ADGRF3: variants seen among roughly 807,000 people sequenced by gnomAD.
ADGRF3 encodes G protein-coupled receptor 113.
ADGRF3 carries 85 observed loss-of-function variants against 93.2 expected under a neutral mutation model. The ratio of observed to expected loss-of-function variants is 0.91; its 90% confidence interval spans 0.77 to 1.09. The LOEUF is 1.09. Among genes scored for constraint, ADGRF3 ranks in the 50% least tolerant of loss-of-function variants. The pLI is 0.00. For synonymous variants in ADGRF3, 534 were observed against 532.5 expected (o/e 1.00, Z -0.04); for missense variants, 1,125 against 1,246.2 (o/e 0.90, Z 1.46).
At chr2:26,345,977 T>C in intron 1 of ADGRF3, 144 bp downstream of exon 1, 2 of 748,594 alleles carry the variant, frequency 2.7e-6, no homozygotes, top group South Asian at 3.6e-5. Context: ...ACAACAGCAG[T>C]GTCGGGGGAC....
intron 1 of ADGRF3, among the ~76,000 whole-genome samples, chr2:26,328,652 C>T (rs1406641016): frequency 1.3e-5 from 2 of 152,138 alleles, no homozygotes; most frequent in African/African-American, 4.8e-5. Context: ...CGGGGTTTCA[C>T]CCTGTTAGCC....
At position 26,346,124 on chromosome 2, in the gene ADGRF3, C is replaced by A; in HGVS notation, c.111G>T (p.Glu37Asp). 6.3e-7 allele frequency: 1 copy of A among 1,588,160 alleles called. No individual in the cohort carries two copies. Reference protein sequence around the residue: ...WARMAKTGLPEKGQSQAGGES... With the variant: ...WARMAKTGLPDKGQSQAGGES... Reference sequence around the variant, plus strand: ...GGGCGGAGCGCGGCTCTCCTACCTTCTCGGGCAGCCCAGTCTTTGCCATCC... The same window carrying A: ...GGGCGGAGCGCGGCTCTCCTACCTTATCGGGCAGCCCAGTCTTTGCCATCC... The change falls in exon 1 of 14, where the codon GAG becomes GAT. Residue 37 changes from glutamate (E) to aspartate (D), a missense_variant. By Grantham distance (45) the Glu-to-Asp change is conservative (BLOSUM62 2). Coordinates refer to ENST00000651242, the MANE Select transcript of ADGRF3 (RefSeq NM_001321971.2).
In ADGRF3 at chr2:26,308,497, C is replaced by T. The variant is rs1673741787; in HGVS notation, c.*589G>A. The T allele has an allele frequency of 6.6e-6, 1 of 152,006 alleles. No individual in the cohort carries two copies. The highest frequency in any genetic ancestry group is 2.1e-4 in the South Asian group (1 of 4,806). The allele number at this position is 152,006 out of a possible 1,614,324, so 9.4% of individuals were successfully genotyped here. On this transcript the variant is annotated 3_prime_UTR_variant, in exon 14 of 14. Transcript: ENST00000651242. ...TACAACGTGCTCATATCAATCAATG[C>T]CTCTATACATGGATATGGTTAAGAA...
rs776513626 is a variant in ADGRF3 at position 26,313,110 on chromosome 2, C to T, written c.1282G>A (p.Gly428Ser). Residue 428 changes from glycine to serine, a missense_variant, in exon 9 of 14, where the codon GGC becomes AGC. Coordinates refer to ENST00000651242, the MANE Select transcript of ADGRF3 (RefSeq NM_001321971.2). ...LFTRTKLLQA[G>S]QGSPAEEVPQ... The stretch of plus-strand genomic sequence containing the variant: ...ACCTCCTCAGCAGGACTGCCCTGGC[C>T]TGCCTGCAGCAGCTGAGACAGACGA... 3 of 1,613,890 alleles carry T rather than the reference C, an allele frequency of 1.9e-6. No homozygotes were observed. Among genetic ancestry groups the T allele is most frequent in the Non-Finnish European group, 2.5e-6 (3 of 1,179,858 alleles).
At chr2:26,319,073 A>G in intron 1 of ADGRF3, 2 of 1,536,064 alleles carry the variant, frequency 1.3e-6, no homozygotes, top group Non-Finnish European at 1.8e-6. Flanking sequence ...AGTCCCTACA[A>G]GCCCACGATG....
intron 5 of ADGRF3, 76 bp from the exon 6 acceptor site, chr2:26,314,699 G>T: frequency 1.5e-6 from 2 of 1,362,352 alleles, no homozygotes; most frequent in Non-Finnish European, 2.0e-6. Flanking sequence ...TGCTTTCCAA[G>T]CCACAGCCTT....
At chr2:26,317,953 G>A (rs1185391398) in intron 1 of ADGRF3, 4 of 1,265,324 alleles carry the variant, frequency 3.2e-6, no homozygotes, top group African/African-American at 1.5e-5. Context: ...TTGACAGCAG[G>A]GTGAGCAGAA....
intron 1 of ADGRF3, among the ~76,000 whole-genome samples, chr2:26,328,254 T>C (rs76129892): frequency 1.4e-5 from 1 of 72,772 alleles, no homozygotes; most frequent in East Asian, 3.5e-4. Context: ...GCTTTCAAGA[T>C]TTTTTCTTTG....
intron 1 of ADGRF3, among the ~76,000 whole-genome samples, chr2:26,324,709 T>C (rs55696343): frequency 0.38 from 57,961 of 152,102 alleles, 12,291 homozygotes; most frequent in Non-Finnish European, 0.48. Context: ...ACATTTTCTT[T>C]ATCCAGTCTA....
chr2:26,346,012 C>A lies in ADGRF3; in HGVS notation c.114+109G>T. On this transcript the variant is annotated intron_variant, in intron 1 of 13. Coordinates refer to ENST00000651242, the MANE Select transcript of ADGRF3 (RefSeq NM_001321971.2). Reference sequence around the variant, plus strand: ...CGGGCCGCTCGAGCGGGCTAGCAACCCCCCCTCGATGGGCGGGGAGAAGCG... The same window carrying A: ...CGGGCCGCTCGAGCGGGCTAGCAACACCCCCTCGATGGGCGGGGAGAAGCG... The A allele has an allele frequency of 4.2e-6, 5 of 1,185,358 alleles. No individual in the cohort carries two copies. In the South Asian group the frequency reaches 6.0e-5, roughly 14 times the overall value. The allele number at this position is 1,185,358 out of a possible 1,614,324, so 73.4% of individuals were successfully genotyped here.
At chr2:26,316,862 C>T (rs768734590) in intron 3 of ADGRF3, 50 bp downstream of exon 3, 21 of 1,544,626 alleles carry the variant, frequency 1.4e-5, no homozygotes, top group East Asian at 4.6e-5. Flanking sequence ...GCAGGAGGCC[C>T]GGGAGCCTAT....
At chr2:26,343,300 G>A (rs1003099223) in intron 1 of ADGRF3, among the ~76,000 whole-genome samples, 8 of 152,128 alleles carry the variant, frequency 5.3e-5, no homozygotes, top group African/African-American at 1.4e-4. Flanking sequence ...TTGTAGGTAA[G>A]ACAAGATTTC....
chr2:26,314,309 G>C, intron 6 of ADGRF3, 105 bp downstream of exon 6: 1 of 1,080,878 alleles, frequency 9.3e-7, no homozygotes, highest in Non-Finnish European at 1.3e-6. Context: ...CCACTCTCTG[G>C]TTGAACTGTG....
At position 26,308,902 on chromosome 2, in the gene ADGRF3, T is replaced by C. The variant is rs1330397422; in HGVS notation, c.*184A>G. On this transcript the variant is annotated 3_prime_UTR_variant, in exon 14 of 14. Coordinates refer to ENST00000651242, the MANE Select transcript of ADGRF3 (RefSeq NM_001321971.2). ...TTTTCCTGCTATTCTTGCTGGATAC[T>C]TTAGAAATGAGAAGGGGTGAGCTGT... The C allele has an allele frequency of 2.8e-6, 2 of 723,610 alleles. No homozygotes were observed. Among genetic ancestry groups the C allele is most frequent in the Admixed American group, 5.9e-5 (2 of 34,106 alleles). The allele number at this position is 723,610 out of a possible 1,614,324, so 44.8% of individuals were successfully genotyped here. A position where few individuals can be genotyped will look rare whatever the true frequency, so the allele number is the denominator to read the frequency against.
Position 26,309,029 on chromosome 2 carries a change from G to C in ADGRF3, c.*57C>G. On this transcript the variant is annotated 3_prime_UTR_variant, in exon 14 of 14. Transcript: ENST00000651242. ...CAGAGCATTGGGCCAGGGCTCATCT[G>C]GTGGGTTCAAGCACACAGCCTCAAC... 1.2e-6 allele frequency: 2 copies of C among 1,613,076 alleles called. No individual in the cohort carries two copies. The highest frequency in any genetic ancestry group is 1.3e-5 in the African/African-American group (1 of 75,038).
Position 26,309,105 on chromosome 2 carries a change from T to C in ADGRF3, c.2996A>G (p.Lys999Arg), listed in dbSNP as rs1558374403. ...TGTGGTTCACTCTGAAGCATCTGTC[T>C]TCCTGTGAAAGAGCTTGCGGCTGGT... ...HSKGGSDTAR[K>R]TDASE The change falls in exon 14 of 14, where the codon AAG becomes AGG. Residue 999 changes from lysine (K) to arginine (R), a missense_variant and splice_region_variant. Physicochemically the swap from Lys to Arg is conservative, Grantham distance 26. Coordinates refer to ENST00000651242, the MANE Select transcript of ADGRF3 (RefSeq NM_001321971.2). 6.2e-7 allele frequency: 1 copy of C among 1,614,068 alleles called. No homozygotes were observed.
chr2:26,345,699 A>C (rs1676680826), intron 1 of ADGRF3: 1 of 162,298 alleles, frequency 6.2e-6, no homozygotes, highest in South Asian at 1.5e-4. Context: ...CGGGAGAACT[A>C]AGTCCTCTTA....
chr2:26,339,124 AAAAAAAAAAAAAAGCAAAGC>A (rs911948947), intron 1 of ADGRF3, among the ~76,000 whole-genome samples: 2 of 150,362 alleles, frequency 1.3e-5, no homozygotes, highest in Non-Finnish European at 3.0e-5. Context: ...CAAAAAAAAA[AAAAAAAAAAAAAAGCAAAGC>A]AAAGAAAAGA....
intron 1 of ADGRF3, among the ~76,000 whole-genome samples, chr2:26,341,500 T>C (rs1483628067): frequency 1.3e-5 from 2 of 152,304 alleles, no homozygotes; most frequent in East Asian, 1.9e-4. Flanking sequence ...CTCATTATAT[T>C]GCGTAGACTT....
Sources: gnomAD v4.1 joint callset for allele counts (sites outside exome capture counted in the v4.1 genomes callset) on GRCh38, gnomAD v4.1.1 for gene constraint, MANE v1.5 for transcripts, NCBI Gene and HGNC (gene_info 2026-07-23, HGNC 2026-07-21) for gene names.